The following LMNB2 variants were observed in gnomAD, a reference collection of about 807,000 sequenced individuals.
LMNB2 encodes lamin-B2.
LMNB2 carries 17 observed loss-of-function variants against 69.3 expected under a neutral mutation model. That is an observed-to-expected ratio of 0.25 (90% CI 0.17 to 0.37). The LOEUF is 0.37. Ranked by LOEUF, LMNB2 falls within the 10% of genes least tolerant of loss-of-function variation. The probability of loss-of-function intolerance (pLI) is 1.00; values close to 1 mark genes in which losing one functional copy is unlikely to be tolerated. For missense variants in LMNB2, 789 were observed against 883.6 expected, an observed-to-expected ratio of 0.89 and a Z score of 1.36; for synonymous variants, 397 against 389.3, an observed-to-expected ratio of 1.02 and a Z score of -0.23.
At position 2,430,645 on chromosome 19, in the gene LMNB2, C is replaced by A; in HGVS notation, c.*266G>T. ...CAAGCATCTTCTAAACCTCCGGGTC[C>A]TGGCCCTGGGCTTCCAATTTGACCA... On this transcript the variant is annotated 3_prime_UTR_variant, in exon 12 of 12. Transcript: ENST00000325327. 1 of 555,934 alleles carries A rather than the reference C, an allele frequency of 1.8e-6. No individual in the cohort carries two copies. The highest frequency in any genetic ancestry group is 1.9e-5 in the South Asian group (1 of 51,408). 34.4% of individuals were successfully genotyped at this position (555,934 alleles called of 1,614,324 possible).
At chr19:2,431,703 G>A (rs773901398) in intron 10 of LMNB2, 45 bp from the exon 11 acceptor site, 1 of 1,613,788 alleles carries the variant, frequency 6.2e-7, no homozygotes, top group Admixed American at 1.7e-5. Flanking sequence ...ATCGGGCCCA[G>A]AGCTGCTGTG....
rs542085380 is a variant in LMNB2 at position 2,447,053 on chromosome 19, A to T, written c.265-2513T>A. Among the ~76,000 whole-genome samples, 148 of 150,950 alleles carry T rather than the reference A, an allele frequency of 9.8e-4. No homozygotes were observed. The highest frequency in any genetic ancestry group is 1.6e-3 in the Non-Finnish European group (108 of 67,752). On this transcript the variant is annotated intron_variant, in intron 1 of 11. Coordinates refer to ENST00000325327, the MANE Select transcript of LMNB2 (RefSeq NM_032737.4). This position sits in a 1 kb window ranked among gnomAD's most constrained non-coding sequence, Gnocchi z 4.4. ...CAGCTACTTGGGAGGCTGAGGCAGG[A>T]GAATGGCATGAACCCGGGAGGTGGA...
Position 2,435,144 on chromosome 19 carries a change from C to T in LMNB2, c.712G>A (p.Glu238Lys), listed in dbSNP as rs773444127. 2.1e-5 allele frequency: 33 copies of T among 1,604,640 alleles called. No individual in the cohort carries two copies. Among genetic ancestry groups the T allele is most frequent in the Non-Finnish European group, 2.4e-5 (28 of 1,179,576 alleles). ...EEVRETRRRH[E>K]RRLVEVDSSR... The stretch of plus-strand genomic sequence containing the variant: ...CTGTCCACCTCCACCAGGCGCCGCT[C>T]GTGCCGCCGCCGCGTCTCCCGCACC... Residue 238 changes from glutamate to lysine, a missense_variant, in exon 5 of 12, where the codon GAG (glutamate) becomes AAG (lysine). Glu to Lys is a moderately conservative substitution (Grantham distance 56). Coordinates refer to ENST00000325327, the MANE Select transcript of LMNB2 (RefSeq NM_032737.4).
At chr19:2,445,316 C>T (rs1441042083) in intron 1 of LMNB2, among the ~76,000 whole-genome samples, 2 of 152,056 alleles carry the variant, frequency 1.3e-5, no homozygotes, top group East Asian at 1.9e-4. Context: ...GGGGCCAGCC[C>T]GTGCCCCTCT....
In LMNB2 at chr19:2,431,829, C is replaced by T. The variant is rs1971744726; in HGVS notation, c.1664G>A (p.Gly555Asp). Reference protein sequence around the residue: ...TLVWKGQSSWGTGESFRTVLV... With the variant: ...TLVWKGQSSWDTGESFRTVLV... ...GACGGTGCGGAAGCTCTCGCCCGTG[C>T]CCCAGCTGCTCTGGCCCTTCCACAC... Residue 555 changes from glycine to aspartate, a missense_variant, in exon 10 of 12, where the codon GGC becomes GAC. This residue lies in a region of LMNB2 where 609 missense variants were observed against 630.9 expected (regional missense o/e 0.97). Coordinates refer to ENST00000325327, the MANE Select transcript of LMNB2 (RefSeq NM_032737.4). 6.2e-7 allele frequency: 1 copy of T among 1,613,530 alleles called. No individual in the cohort carries two copies. The highest frequency in any genetic ancestry group is 8.5e-7 in the Non-Finnish European group (1 of 1,179,936).
chr19:2,455,848 C>T (rs1026625359), intron 1 of LMNB2, among the ~76,000 whole-genome samples: 3 of 151,492 alleles, frequency 2.0e-5, no homozygotes, highest in Non-Finnish European at 4.4e-5. Context: ...GCTGACCCCA[C>T]CCCTGCTCAG....
At chr19:2,454,628 C>T (rs560833020) in intron 1 of LMNB2, among the ~76,000 whole-genome samples, 12 of 152,290 alleles carry the variant, frequency 7.9e-5, no homozygotes, top group African/African-American at 2.6e-4. Flanking sequence ...AAGCCCACCA[C>T]GTCCTCTGAT....
At position 2,433,896 on chromosome 19, in the gene LMNB2, G is replaced by C; in HGVS notation, c.1412C>G (p.Ser471Trp). 1 of 1,612,276 alleles carries C rather than the reference G, an allele frequency of 6.2e-7. No individual in the cohort carries two copies. The highest frequency in any genetic ancestry group is 8.5e-7 in the Non-Finnish European group (1 of 1,179,350). ...GFHLAQQASA[S>W]GSVSIEEIDL... ...GATCTCCTCGATGCTGACGCTACCC[G>C]AGGCCGAGGCCTGCTGGGCCAGGTG... Residue 471 changes from serine to tryptophan, a missense_variant, in exon 8 of 12, where the codon TCG becomes TGG. Transcript: ENST00000325327.
In LMNB2 at chr19:2,433,190, G is replaced by A. The variant is rs552786056; in HGVS notation, c.1482+636C>T. Among the ~76,000 whole-genome samples, 10 of 66,472 alleles carry A rather than the reference G, an allele frequency of 1.5e-4. No homozygotes were observed. In the South Asian group the frequency reaches 6.4e-3, roughly 43 times the overall value. The allele number at this position is 66,472 out of a possible 152,430, so 43.6% of individuals were successfully genotyped here. On this transcript the variant is annotated intron_variant, in intron 8 of 11. Coordinates refer to ENST00000325327, the MANE Select transcript of LMNB2 (RefSeq NM_032737.4). ...GTTACCCCCATGCCCCGGTCTTTCC[G>A]GTCACCTTGTCCCCTGCCTCGTATT...
At chr19:2,452,697 G>A (rs1314578180) in intron 1 of LMNB2, among the ~76,000 whole-genome samples, 2 of 152,152 alleles carry the variant, frequency 1.3e-5, no homozygotes, top group African/African-American at 4.8e-5. Flanking sequence ...CTGCACTCCA[G>A]CCTGGGCGAC....
chr19:2,444,304 G>A (rs1345986789), intron 2 of LMNB2, 100 bp downstream of exon 2: 20 of 1,395,386 alleles, frequency 1.4e-5, no homozygotes, highest in Admixed American at 5.4e-5. Context: ...GGCTGTGCCC[G>A]TATCAGAGCA....
Position 2,438,241 on chromosome 19 carries a change from C to T in LMNB2, c.606G>A (p.Thr202=), listed in dbSNP as rs1254007215. 3.7e-6 allele frequency: 6 copies of T among 1,614,090 alleles called. No homozygotes were observed. The highest frequency in any genetic ancestry group is 2.2e-5 in the South Asian group (2 of 91,088). Residue 202 remains threonine (T), a synonymous_variant, in exon 4 of 12, where the codon ACG becomes ACA. Transcript: ENST00000325327. ...AVAKKQLEKE[T]LMRVDLENRC... is the part of the protein sequence containing the mutation. Reference sequence around the variant, plus strand: ...GGTTCTCCAGGTCCACACGCATCAGCGTCTCCTTCTCCAGCTGCTTTTTGG... The same window carrying T: ...GGTTCTCCAGGTCCACACGCATCAGTGTCTCCTTCTCCAGCTGCTTTTTGG...
Position 2,430,710 on chromosome 19 carries a change from C to T in LMNB2, c.*201G>A, listed in dbSNP as rs750875016. 5.3e-5 allele frequency: 35 copies of T among 658,836 alleles called. No individual in the cohort carries two copies. Among genetic ancestry groups the T allele is most frequent in the Admixed American group, 1.7e-4 (8 of 47,370 alleles). The allele number at this position is 658,836 out of a possible 1,614,324, so 40.8% of individuals were successfully genotyped here. A position where few individuals can be genotyped will look rare whatever the true frequency, so the allele number is the denominator to read the frequency against. On this transcript the variant is annotated 3_prime_UTR_variant, in exon 12 of 12. Transcript: ENST00000325327. Reference sequence around the variant, plus strand: ...GAGTGGGGTGGGATTGAAAAGTCTCCGGGGCAGCGGCGAAGTGGCAGCGAA... The same window carrying T: ...GAGTGGGGTGGGATTGAAAAGTCTCTGGGGCAGCGGCGAAGTGGCAGCGAA...
Position 2,443,605 on chromosome 19 carries a change from G to A in LMNB2, c.401+799C>T, listed in dbSNP as rs972096714. ...GACCCACCCCAGCCTGAGGAAATCC[G>A]AGGCACCTGCAGGTGCCTGAATGCC... On this transcript the variant is annotated intron_variant, in intron 2 of 11. Transcript: ENST00000325327. This position sits in a 1 kb window ranked among gnomAD's most constrained non-coding sequence, Gnocchi z 6.2. 1.3e-5 allele frequency among the ~76,000 whole-genome samples: 2 copies of A among 152,106 alleles called. No homozygotes were observed. The highest frequency in any genetic ancestry group is 1.5e-5 in the Non-Finnish European group (1 of 68,014).
At chr19:2,432,853 T>A (rs1971761536) in intron 8 of LMNB2, among the ~76,000 whole-genome samples, 1 of 117,550 alleles carries the variant, frequency 8.5e-6, no homozygotes, top group Non-Finnish European at 1.8e-5. Context: ...GTCACCCCGT[T>A]ACCCCCATGC....
At position 2,447,988 on chromosome 19, in the gene LMNB2, C is replaced by T. The variant is rs943938730; in HGVS notation, c.265-3448G>A. The stretch of plus-strand genomic sequence containing the variant: ...ACTGAGGCACGGGTCAGTAAAAAGC[C>T]GCCTCCTGACCACCGCTGGGTCCTA... On this transcript the variant is annotated intron_variant, in intron 1 of 11. Transcript: ENST00000325327. This position sits in a 1 kb window ranked among gnomAD's most constrained non-coding sequence, Gnocchi z 4.4. Among the ~76,000 whole-genome samples the T allele has an allele frequency of 2.0e-5, 3 of 152,136 alleles. No homozygotes were observed. Among genetic ancestry groups the T allele is most frequent in the Non-Finnish European group, 4.4e-5 (3 of 68,030 alleles).
chr19:2,435,474 C>A (rs576844602), intron 4 of LMNB2, among the ~76,000 whole-genome samples: 1 of 152,262 alleles, frequency 6.6e-6, no homozygotes, highest in East Asian at 1.9e-4. Context: ...ATCCCATTTC[C>A]ATGAAATGTC....
At position 2,438,479 on chromosome 19, in the gene LMNB2, G is replaced by T. The variant is rs1158079562; in HGVS notation, c.454C>A (p.Leu152Met). 1 of 1,611,828 alleles carries T rather than the reference G, an allele frequency of 6.2e-7. No individual in the cohort carries two copies. Among genetic ancestry groups the T allele is most frequent in the Admixed American group, 1.7e-5 (1 of 59,974 alleles). The change falls in exon 3 of 12, where the codon CTG becomes ATG. Residue 152 changes from leucine to methionine, a missense_variant. This residue lies in a region of LMNB2 where 145 missense variants were observed against 228.9 expected (regional missense o/e 0.63). Coordinates refer to ENST00000325327, the MANE Select transcript of LMNB2 (RefSeq NM_032737.4). ...TCGCTCCGGTGGAACAGGGACTCCA[G>T]GTCCTTCACACGGCCCTGGGCCACC... Reference protein sequence around the residue: ...LTVAQGRVKDLESLFHRSEVE... With the variant: ...LTVAQGRVKDMESLFHRSEVE...
chr19:2,431,454 G>A (rs1309801418), intron 11 of LMNB2, 94 bp downstream of exon 11: 11 of 1,538,800 alleles, frequency 7.1e-6, no homozygotes, highest in East Asian at 4.5e-5. Flanking sequence ...AGCTCCCGTC[G>A]GGGATGCGGC....
Sources: allele counts gnomAD v4.1 joint callset (sites outside exome capture counted in the v4.1 genomes callset), GRCh38; gene constraint gnomAD v4.1.1; regional missense constraint gnomAD v4.1.1; non-coding constraint Gnocchi (gnomAD v3.1); transcripts MANE v1.5; gene names NCBI Gene and HGNC (gene_info 2026-07-23, HGNC 2026-07-21).